The following SOBP variants were observed in gnomAD, a reference collection of about 807,000 sequenced individuals.
SOBP encodes sine oculis binding protein homolog.
SOBP carries 4 observed loss-of-function variants against 53.6 expected under a neutral mutation model. The observed-to-expected ratio is 0.07, with a 90% CI of 0.04 to 0.17. The LOEUF (loss-of-function observed/expected upper bound fraction) is 0.17, where lower values mean the gene tolerates loss of function less well. Ranked by LOEUF, SOBP falls within the 10% of genes least tolerant of loss-of-function variation. The pLI, the probability that SOBP is intolerant of heterozygous loss-of-function variation, is 1.00. For synonymous variants in SOBP, 584 were observed against 522.6 expected, an observed-to-expected ratio of 1.12 and a Z score of -1.60; for missense variants, 1,088 against 1,204.7, an observed-to-expected ratio of 0.90 and a Z score of 1.43.
At chr6:107,568,600 C>A (rs373571628) in intron 4 of SOBP, among the ~76,000 whole-genome samples, 1 of 152,180 alleles carries the variant, frequency 6.6e-6, no homozygotes, top group Admixed American at 6.5e-5. Flanking sequence ...TCTGATGTTG[C>A]CCAGACGAAA....
At chr6:107,514,301 A>C (rs1783255194) in intron 3 of SOBP, 1 of 152,196 alleles carries the variant, frequency 6.6e-6, no homozygotes, top group Non-Finnish European at 1.5e-5. Context: ...AAGGGCAATT[A>C]AAGTGGAGTA....
chr6:107,527,241 C>T (rs1480335044), intron 3 of SOBP, among the ~76,000 whole-genome samples: 2 of 152,100 alleles, frequency 1.3e-5, no homozygotes, highest in Non-Finnish European at 2.9e-5. Flanking sequence ...CTATTAATTA[C>T]AGAATATCTG....
intron 5 of SOBP, among the ~76,000 whole-genome samples, chr6:107,621,853 C>CT (rs1770195240): frequency 6.6e-6 from 1 of 152,292 alleles, no homozygotes; most frequent in Non-Finnish European, 1.5e-5. Flanking sequence ...ACTCCACAAA[C>CT]CATTAGAAGC....
chr6:107,608,587 T>A (rs1451449541), intron 5 of SOBP, among the ~76,000 whole-genome samples: 1 of 152,258 alleles, frequency 6.6e-6, no homozygotes, highest in African/African-American at 2.4e-5. Context: ...TTATGGAATC[T>A]AAAGCCGGGT....
At chr6:107,633,367 G>A in intron 5 of SOBP, 147 bp from the exon 6 acceptor site, 1 of 999,686 alleles carries the variant, frequency 1.0e-6, no homozygotes, top group Non-Finnish European at 1.6e-6. Flanking sequence ...AAACATTTCA[G>A]AATTTTACCT....
At chr6:107,491,101 G>A (rs1238502768) in intron 1 of SOBP, among the ~76,000 whole-genome samples, 1 of 152,092 alleles carries the variant, frequency 6.6e-6, no homozygotes, top group African/African-American at 2.4e-5. Context: ...GGAGCCTCCT[G>A]GCCGGGGCAC....
intron 4 of SOBP, among the ~76,000 whole-genome samples, chr6:107,574,106 G>A (rs1785155863): frequency 6.6e-6 from 1 of 152,152 alleles, no homozygotes; most frequent in African/African-American, 2.4e-5. Context: ...GGGCCGCAAT[G>A]ACACATATAG....
intron 5 of SOBP, among the ~76,000 whole-genome samples, chr6:107,589,493 C>T (rs1273175339): frequency 6.6e-6 from 1 of 152,196 alleles, no homozygotes; most frequent in African/African-American, 2.4e-5. Context: ...GCCCGGAATA[C>T]ACAAGTGTGT....
intron 5 of SOBP, among the ~76,000 whole-genome samples, chr6:107,603,020 A>G (rs1786243502): frequency 6.6e-6 from 1 of 152,096 alleles, no homozygotes; most frequent in Non-Finnish European, 1.5e-5. Context: ...AGGTACTGAC[A>G]AGGGCAGATC....
chr6:107,648,663 G>A (rs1002627493), intron 6 of SOBP, among the ~76,000 whole-genome samples: 3 of 152,126 alleles, frequency 2.0e-5, no homozygotes, highest in South Asian at 2.1e-4. Context: ...GGCAAAGAAG[G>A]GGGGAGATGG....
intron 1 of SOBP, among the ~76,000 whole-genome samples, chr6:107,502,749 T>C (rs185323343): frequency 1.6e-4 from 24 of 152,264 alleles, no homozygotes; most frequent in Admixed American, 1.0e-3. Flanking sequence ...AAAAAACTTA[T>C]GTGTTGATTT....
At chr6:107,638,172 A>T (rs931358221) in intron 6 of SOBP, among the ~76,000 whole-genome samples, 1 of 151,772 alleles carries the variant, frequency 6.6e-6, no homozygotes, top group Non-Finnish European at 1.5e-5. Flanking sequence ...ATTTACTCAC[A>T]TTCTCTGGCC....
intron 3 of SOBP, chr6:107,529,382 T>C (rs1783755066): frequency 1.1e-6 from 1 of 893,734 alleles, no homozygotes; most frequent in Non-Finnish European, 1.3e-6. Flanking sequence ...CACACAGGAG[T>C]CTCCTCAGAC....
In SOBP at chr6:107,537,904, A is replaced by G. The variant is rs151067003; in HGVS notation, c.573+4294A>G. 3.9e-3 allele frequency among the ~76,000 whole-genome samples: 600 copies of G among 152,292 alleles called. 4 individuals carry two copies. The highest frequency in any genetic ancestry group is 0.014 in the African/African-American group (565 of 41,566). Reference sequence around the variant, plus strand: ...AGCAGATCACAGTGGGAAGAAACCAATGTGGCTCAGAGATGAGGATAAGGA... The same window carrying G: ...AGCAGATCACAGTGGGAAGAAACCAGTGTGGCTCAGAGATGAGGATAAGGA... On this transcript the variant is annotated intron_variant, in intron 4 of 6. Coordinates refer to ENST00000317357, the MANE Select transcript of SOBP (RefSeq NM_018013.4).
At chr6:107,578,230 C>A (rs922034356) in intron 4 of SOBP, among the ~76,000 whole-genome samples, 1 of 152,018 alleles carries the variant, frequency 6.6e-6, no homozygotes, top group Non-Finnish European at 1.5e-5. Flanking sequence ...CTTCCCCCAC[C>A]CCGCACCCTC....
intron 5 of SOBP, among the ~76,000 whole-genome samples, chr6:107,621,586 G>A (rs947575956): frequency 1.2e-4 from 18 of 152,186 alleles, no homozygotes; most frequent in African/African-American, 4.3e-4. Flanking sequence ...AAAGACGATA[G>A]GCAATCCAAA....
At chr6:107,506,958 C>T (rs375359890) in intron 3 of SOBP, among the ~76,000 whole-genome samples, 3 of 151,624 alleles carry the variant, frequency 2.0e-5, no homozygotes, top group African/African-American at 7.3e-5. Flanking sequence ...CCCACCTACT[C>T]GGGAGGCCGA....
Position 107,634,404 on chromosome 6 carries a change from C to A in SOBP, c.1560C>A (p.Pro520=). The change falls in exon 6 of 7, where the codon CCC becomes CCA. Residue 520 remains proline, a synonymous_variant. Coordinates refer to ENST00000317357, the MANE Select transcript of SOBP (RefSeq NM_018013.4). The surrounding 1 kb of genome is among the most constrained non-coding windows in gnomAD (Gnocchi z 4.5). ...GLPSLAPLVP[P]PTLLVPYPVI... is the part of the protein sequence containing the mutation. ...CGTCGCTTGCCCCGCTGGTGCCGCC[C>A]CCGACCCTGCTCGTGCCGTACCCCG... 1 of 1,602,738 alleles carries A rather than the reference C, an allele frequency of 6.2e-7. No individual in the cohort carries two copies.
intron 4 of SOBP, among the ~76,000 whole-genome samples, chr6:107,586,348 T>C (rs941947276): frequency 6.6e-6 from 1 of 152,040 alleles, no homozygotes; most frequent in Admixed American, 6.6e-5. Flanking sequence ...CACCTACCTC[T>C]CCCTTCTCTC....
Sources: gnomAD v4.1 joint callset for allele counts (sites outside exome capture counted in the v4.1 genomes callset) on GRCh38, gnomAD v4.1.1 for gene constraint, Gnocchi (gnomAD v3.1) non-coding constraint, MANE v1.5 for transcripts, NCBI Gene and HGNC (gene_info 2026-07-23, HGNC 2026-07-21) for gene names.